SHISA6: variants seen among roughly 807,000 people sequenced by gnomAD.
SHISA6 encodes protein shisa-6.
In SHISA6, 22 loss-of-function variants were observed where a neutral mutation model predicts 47.9. The observed-to-expected ratio is 0.46, with a 90% confidence interval of 0.33 to 0.66. The LOEUF (loss-of-function observed/expected upper bound fraction) is 0.66, where lower values mean the gene tolerates loss of function less well. SHISA6 is among the 30% of genes least tolerant of loss of function. The pLI is 0.02. For missense variants in SHISA6, 680 were observed against 764.6 expected, an observed-to-expected ratio of 0.89 and a Z score of 1.30; for synonymous variants, 388 against 337.8, an observed-to-expected ratio of 1.15 and a Z score of -1.63.
At chr17:11,448,125 A>G (rs538228535) in intron 3 of SHISA6, among the ~76,000 whole-genome samples, 1 of 152,236 alleles carries the variant, frequency 6.6e-6, no homozygotes, top group African/African-American at 2.4e-5. Context: ...GAAAAGGGGG[A>G]AGCAAAGGGA....
In SHISA6 at chr17:11,357,277, C is replaced by T. The variant is rs374200594; in HGVS notation, c.800-22137C>T. Among the ~76,000 whole-genome samples, 186 of 151,474 alleles carry T rather than the reference C, an allele frequency of 1.2e-3. 1 individual carries two copies. Among genetic ancestry groups the T allele is most frequent in the African/African-American group, 4.5e-3 (184 of 41,248 alleles). ...AGAGGCCTGTGGTGGTAAGAGGAGG[C>T]TGTGCCTTGTGTAACTTCTCATTTT... On this transcript the variant is annotated intron_variant, in intron 2 of 5. Transcript: ENST00000441885.
intron 3 of SHISA6, among the ~76,000 whole-genome samples, chr17:11,435,748 C>T (rs1597512048): frequency 2.6e-5 from 4 of 152,128 alleles, no homozygotes; most frequent in Admixed American, 2.6e-4. Context: ...TTGCAGTTTT[C>T]ATCAAGTGTA....
At chr17:11,303,465 TTGTG>T (rs1462835132) in intron 2 of SHISA6, among the ~76,000 whole-genome samples, 4 of 151,882 alleles carry the variant, frequency 2.6e-5, no homozygotes, top group African/African-American at 9.7e-5. Flanking sequence ...GTATGTGTGG[TTGTG>T]TGTGAATATA....
chr17:11,241,497 A>T lies in SHISA6; in HGVS notation c.75A>T (p.Gly25=). 1 of 1,161,548 alleles carries T rather than the reference A, an allele frequency of 8.6e-7. No individual in the cohort carries two copies. The highest frequency in any genetic ancestry group is 1.1e-6 in the Non-Finnish European group (1 of 934,344). 72.0% of individuals were successfully genotyped at this position (1,161,548 alleles called of 1,614,324 possible). A position where few individuals can be genotyped will look rare whatever the true frequency, so the allele number is the denominator to read the frequency against. ...TGGACCTGCTGCCCAGCGTCCACGG[A>T]GCCCGCGGCCGCGCCGCCAACCGGA... ...ESLDLLPSVH[G]ARGRAANRTL... The change falls in exon 1 of 6, where the codon GGA becomes GGT. Residue 25 remains glycine (G), a synonymous_variant. Coordinates refer to ENST00000441885, the MANE Select transcript of SHISA6 (RefSeq NM_207386.4). The surrounding 1 kb of genome is among the most constrained non-coding windows in gnomAD (Gnocchi z 5.5).
At chr17:11,307,899 G>C (rs140268509) in intron 2 of SHISA6, among the ~76,000 whole-genome samples, 1 of 152,290 alleles carries the variant, frequency 6.6e-6, no homozygotes, top group African/African-American at 2.4e-5. Context: ...TTACAGATGA[G>C]AATGTTGAAG....
chr17:11,325,519 G>A lies in SHISA6; in HGVS notation c.800-53895G>A, dbSNP rs1013485540. 3.3e-5 allele frequency among the ~76,000 whole-genome samples: 5 copies of A among 152,034 alleles called. No individual in the cohort carries two copies. In the South Asian group the frequency reaches 1.0e-3, roughly 32 times the overall value. ...GAAAGCGAGCTTTACAACACCAAAT[G>A]GAATCAAGCCCATTTTTGGTGTAGG... On this transcript the variant is annotated intron_variant, in intron 2 of 5. Transcript: ENST00000441885.
At chr17:11,414,123 T>C (rs1442410616) in intron 3 of SHISA6, among the ~76,000 whole-genome samples, 1 of 151,148 alleles carries the variant, frequency 6.6e-6, no homozygotes, top group African/African-American at 2.4e-5. Flanking sequence ...CCTCTCCTCC[T>C]TCTCCTCCTC....
chr17:11,542,816 C>T (rs1290847112), intron 3 of SHISA6, among the ~76,000 whole-genome samples: 2 of 152,170 alleles, frequency 1.3e-5, no homozygotes, highest in Non-Finnish European at 2.9e-5. Flanking sequence ...CTTATTCTCA[C>T]ATCAAAGCAG....
chr17:11,362,757 C>A (rs552245343), intron 2 of SHISA6, among the ~76,000 whole-genome samples: 1 of 152,170 alleles, frequency 6.6e-6, no homozygotes, highest in Admixed American at 6.5e-5. Context: ...TGCAGTCTAG[C>A]GCCATATCCA....
chr17:11,551,678 G>C lies in SHISA6; in HGVS notation c.896-218G>C, dbSNP rs544906901. ...TTGGCCTCATCCCGAGATGTGGGTG[G>C]GTCACCATGGTGACAGAGGAAACCC... On this transcript the variant is annotated intron_variant, in intron 3 of 5. Transcript: ENST00000441885. 1.3e-4 allele frequency among the ~76,000 whole-genome samples: 20 copies of C among 152,186 alleles called. 1 individual carries two copies. The highest frequency in any genetic ancestry group is 4.6e-4 in the African/African-American group (19 of 41,540).
chr17:11,349,510 A>G (rs1458122178), intron 2 of SHISA6, among the ~76,000 whole-genome samples: 1 of 152,162 alleles, frequency 6.6e-6, no homozygotes, highest in East Asian at 1.9e-4. Context: ...GAAGTTATTT[A>G]TGGTATGGAT....
Position 11,241,494 on chromosome 17 carries a change from C to G in SHISA6, c.72C>G (p.His24Gln). 1 of 1,166,212 alleles carries G rather than the reference C, an allele frequency of 8.6e-7. No individual in the cohort carries two copies. The highest frequency in any genetic ancestry group is 1.1e-6 in the Non-Finnish European group (1 of 936,382). 72.2% of individuals were successfully genotyped at this position (1,166,212 alleles called of 1,614,324 possible). Residue 24 changes from histidine to glutamine, a missense_variant, in exon 1 of 6, where the codon CAC becomes CAG. His to Gln is a conservative substitution (Grantham distance 24). Around this residue, in one of 2 missense-constraint regions of SHISA6, gnomAD observed 121 missense variants for 90.5 expected, o/e 1.34. Transcript: ENST00000441885. The surrounding 1 kb of genome is among the most constrained non-coding windows in gnomAD (Gnocchi z 5.5). ...CCCTGGACCTGCTGCCCAGCGTCCACGGAGCCCGCGGCCGCGCCGCCAACC... is the reference window on the plus strand; with the variant it reads ...CCCTGGACCTGCTGCCCAGCGTCCAGGGAGCCCGCGGCCGCGCCGCCAACC... ...LESLDLLPSV[H>Q]GARGRAANRT...
chr17:11,370,630 T>C (rs1912604686), intron 2 of SHISA6, among the ~76,000 whole-genome samples: 2 of 152,174 alleles, frequency 1.3e-5, no homozygotes. Context: ...CCTGTGCTCC[T>C]CAAGCTTCCG....
chr17:11,320,668 AAAGAGAG>A (rs201357467), intron 2 of SHISA6, among the ~76,000 whole-genome samples: 84,958 of 148,232 alleles, frequency 0.57, 25,034 homozygotes, highest in Middle Eastern at 0.67. Context: ...CCAAAAAAAA[AAAGAGAG>A]AGAGAGAGAG....
At chr17:11,257,732 G>A (rs758335128) in intron 1 of SHISA6, among the ~76,000 whole-genome samples, 9 of 151,560 alleles carry the variant, frequency 5.9e-5, no homozygotes, top group Non-Finnish European at 1.3e-4. Flanking sequence ...AAGAGGAAAA[G>A]CTCAGTTATC....
Position 11,260,204 on chromosome 17 carries a change from C to T in SHISA6, c.639-3162C>T, listed in dbSNP as rs144658630. 3.5e-3 allele frequency among the ~76,000 whole-genome samples: 526 copies of T among 152,222 alleles called. 4 individuals are homozygous for T. Among genetic ancestry groups the T allele is most frequent in the Non-Finnish European group, 6.5e-3 (439 of 68,000 alleles). Reference sequence around the variant, plus strand: ...GATTAATTTACTCTCCCCTGCTCACCACACACCCGAGAAAGCCAAGAAATA... The same window carrying T: ...GATTAATTTACTCTCCCCTGCTCACTACACACCCGAGAAAGCCAAGAAATA... On this transcript the variant is annotated intron_variant, in intron 1 of 5. Coordinates refer to ENST00000441885, the MANE Select transcript of SHISA6 (RefSeq NM_207386.4).
rs745789668 is a variant in SHISA6 at position 11,558,049 on chromosome 17, C to T, written c.1401C>T (p.Pro467=). Residue 467 remains proline, a synonymous_variant, in exon 6 of 6, where the codon CCC becomes CCT. Transcript: ENST00000441885. Reference sequence around the variant, plus strand: ...TGTCCCCGGAGCGGACGGCCTTTCCCGAGCAGTCGCTGTCCAGGGCCATCT... The same window carrying T: ...TGTCCCCGGAGCGGACGGCCTTTCCTGAGCAGTCGCTGTCCAGGGCCATCT... The part of the protein sequence containing the change: ...PLLSPERTAF[P]EQSLSRAISH... 1.2e-5 allele frequency: 18 copies of T among 1,551,554 alleles called. No homozygotes were observed. Among genetic ancestry groups the T allele is most frequent in the South Asian group, 7.1e-5 (6 of 84,070 alleles).
At chr17:11,509,574 A>G (rs781170390) in intron 3 of SHISA6, among the ~76,000 whole-genome samples, 5 of 152,322 alleles carry the variant, frequency 3.3e-5, no homozygotes, top group Non-Finnish European at 7.3e-5. Flanking sequence ...TGGCAGCTGC[A>G]GCCTTGACCT....
chr17:11,419,891 G>T (rs919262983), intron 3 of SHISA6, among the ~76,000 whole-genome samples: 7 of 152,112 alleles, frequency 4.6e-5, no homozygotes, highest in African/African-American at 1.7e-4. Flanking sequence ...CCCAGCCATG[G>T]TTCCAAAGGT....
Sources: allele counts gnomAD v4.1 joint callset (sites outside exome capture counted in the v4.1 genomes callset), GRCh38; gene constraint gnomAD v4.1.1; regional missense constraint gnomAD v4.1.1; non-coding constraint Gnocchi (gnomAD v3.1); transcripts MANE v1.5; gene names NCBI Gene and HGNC (gene_info 2026-07-23, HGNC 2026-07-21).